The following CDCA2 variants were observed in gnomAD, a reference collection of about 807,000 sequenced individuals.
CDCA2 encodes cell division cycle associated 2, also known as cell division cycle-associated protein 2.
A neutral mutation model predicts 67.0 loss-of-function variants in CDCA2; 44 were observed. The observed-to-expected ratio is 0.66, with a 90% confidence interval of 0.52 to 0.84. CDCA2 has a LOEUF of 0.84. Among genes scored for constraint, CDCA2 ranks in the 40% least tolerant of loss-of-function variants. The probability of loss-of-function intolerance (pLI) is 0.00; values close to 1 mark genes in which losing one functional copy is unlikely to be tolerated. For synonymous variants in CDCA2, 447 were observed against 418.7 expected, an observed-to-expected ratio of 1.07 and a Z score of -0.82; for missense variants, 1,253 against 1,203.2, an observed-to-expected ratio of 1.04 and a Z score of -0.61.
chr8:25,501,602 G>A (rs951833978), intron 13 of CDCA2, among the ~76,000 whole-genome samples: 4 of 152,142 alleles, frequency 2.6e-5, no homozygotes, highest in South Asian at 2.1e-4. Flanking sequence ...TTTCTGCATC[G>A]CCCCCATAGT....
intron 1 of CDCA2, among the ~76,000 whole-genome samples, chr8:25,460,005 T>A (rs1251163934): frequency 6.6e-6 from 1 of 152,202 alleles, no homozygotes; most frequent in Non-Finnish European, 1.5e-5. Flanking sequence ...GGCTACCTCA[T>A]TTACTTTGAT....
chr8:25,505,635 G>A (rs1804646633), intron 14 of CDCA2, among the ~76,000 whole-genome samples: 1 of 152,076 alleles, frequency 6.6e-6, no homozygotes, highest in South Asian at 2.1e-4. Context: ...ATTTTTAAAT[G>A]GAAACATTGT....
Position 25,488,462 on chromosome 8 carries a change from C to A in CDCA2, c.1534-90C>A, listed in dbSNP as rs185579800. ...TAAATGGGATCTAAAGTGGTAGAAG[C>A]ATCCTGGGAAGCACAACAAGAGTGA... On this transcript the variant is annotated intron_variant, in intron 12 of 14. Transcript: ENST00000330560. The A allele has an allele frequency of 1.3e-3, 1,570 of 1,211,740 alleles. 2 individuals carry two copies. The highest frequency in any genetic ancestry group is 1.5e-3 in the Non-Finnish European group (1,370 of 894,818). The allele number at this position is 1,211,740 out of a possible 1,614,324, so 75.1% of individuals were successfully genotyped here.
chr8:25,507,413 C>T lies in CDCA2; in HGVS notation c.2747C>T (p.Ser916Phe). Residue 916 changes from serine (S) to phenylalanine (F), a missense_variant, in exon 15 of 15, where the codon TCC becomes TTC. Ser to Phe is a radical substitution (Grantham distance 155). Coordinates refer to ENST00000330560, the MANE Select transcript of CDCA2 (RefSeq NM_152562.4). ...ATTTCACTTCCACTTCCTTCCACTT[C>T]CCAAAAAGCCAAAAGAAGAACAATA... The part of the protein sequence containing the change: ...VWISLPLPST[S>F]QKAKRRTICT... The T allele has an allele frequency of 6.2e-7, 1 of 1,613,968 alleles. No individual in the cohort carries two copies. The highest frequency in any genetic ancestry group is 8.5e-7 in the Non-Finnish European group (1 of 1,179,998).
In CDCA2 at chr8:25,468,426, C is replaced by G. The variant is rs1455488604; in HGVS notation, c.735+13C>G. ...AGATCTTTCTGAGGTAATTCACTTA[C>G]TTTACGCATAGGAAAATGAAGTTGT... is the stretch of plus-strand genomic sequence containing the variant. On this transcript the variant is annotated intron_variant, in intron 6 of 14. Transcript: ENST00000330560. 2 of 1,600,706 alleles carry G rather than the reference C, an allele frequency of 1.2e-6. No individual in the cohort carries two copies. The highest frequency in any genetic ancestry group is 4.5e-5 in the East Asian group (2 of 44,706).
intron 13 of CDCA2, among the ~76,000 whole-genome samples, chr8:25,499,100 A>G (rs1383899692): frequency 1.3e-5 from 2 of 152,078 alleles, no homozygotes; most frequent in African/African-American, 4.8e-5. Flanking sequence ...GGGGTTCTGT[A>G]CTTTTTGGGT....
intron 13 of CDCA2, among the ~76,000 whole-genome samples, chr8:25,500,521 A>G (rs1214397982): frequency 6.6e-6 from 1 of 151,780 alleles, no homozygotes; most frequent in Non-Finnish European, 1.5e-5. Context: ...TTTTTTTTCT[A>G]TCTTTTAAAA....
Position 25,492,370 on chromosome 8 carries a change from G to A in CDCA2, c.1671+3681G>A, listed in dbSNP as rs118179063. ...ACAAGAGCGCAATCAAAGGGAAATC[G>A]CTGGTTGTAGCTGTTCAGCCAGCCT... On this transcript the variant is annotated intron_variant, in intron 13 of 14. Coordinates refer to ENST00000330560, the MANE Select transcript of CDCA2 (RefSeq NM_152562.4). 4.2e-3 allele frequency among the ~76,000 whole-genome samples: 634 copies of A among 152,306 alleles called. 2 individuals are homozygous for A. The highest frequency in any genetic ancestry group is 4.7e-3 in the Non-Finnish European group (318 of 68,018).
rs201987917 is a variant in CDCA2, at chr8:25,503,416, G to A, written c.1715G>A (p.Ser572Asn). 9.7e-5 allele frequency: 157 copies of A among 1,613,996 alleles called. No homozygotes were observed. Among genetic ancestry groups the A allele is most frequent in the Non-Finnish European group, 1.3e-4 (152 of 1,179,952 alleles). The change falls in exon 14 of 15, where the codon AGT (serine) becomes AAT (asparagine). Residue 572 changes from serine to asparagine, a missense_variant. By Grantham distance (46) the Ser-to-Asn change is conservative. Transcript: ENST00000330560. Reference sequence around the variant, plus strand: ...AAGAAGAAAGGAAAGGGAAAGAAAAGTGTTCAGAAATCTTTATATGGGGAA... The same window carrying A: ...AAGAAGAAAGGAAAGGGAAAGAAAAATGTTCAGAAATCTTTATATGGGGAA... ...CRKKKGKGKKSVQKSLYGERD... is the reference protein window; with the variant it reads ...CRKKKGKGKKNVQKSLYGERD...
At chr8:25,467,837 A>G (rs568661334) in intron 5 of CDCA2, among the ~76,000 whole-genome samples, 19 of 152,254 alleles carry the variant, frequency 1.2e-4, no homozygotes, top group Middle Eastern at 3.4e-3. Flanking sequence ...GATGCACAAT[A>G]GCCGGGCGTG....
chr8:25,489,415 A>G (rs996645282), intron 13 of CDCA2, among the ~76,000 whole-genome samples: 5 of 152,138 alleles, frequency 3.3e-5, no homozygotes, highest in Admixed American at 1.3e-4. Context: ...TTCATCCTGA[A>G]CTGAGTGAAC....
intron 13 of CDCA2, among the ~76,000 whole-genome samples, chr8:25,498,203 ATTTTGTTTTG>A (rs542877218): frequency 6.6e-6 from 1 of 151,888 alleles, no homozygotes; most frequent in Admixed American, 6.6e-5. Flanking sequence ...GTTGAATTAC[ATTTTGTTTTG>A]TTTTGTTTTG....
At position 25,487,324 on chromosome 8, in the gene CDCA2, A is replaced by G. The variant is rs1253865157; in HGVS notation, c.1523A>G (p.Asn508Ser). The G allele has an allele frequency of 6.3e-7, 1 of 1,593,544 alleles. No individual in the cohort carries two copies. The highest frequency in any genetic ancestry group is 1.7e-5 in the Admixed American group (1 of 59,376). Reference protein sequence around the residue: ...PKVGRITRTSNRRNQLVSVVE... With the variant: ...PKVGRITRTSSRRNQLVSVVE... ...GTTGGTAGAATAACAAGGACTTCTA[A>G]CAGAAGAAATGTAAGTGTTTGTGTT... is the stretch of plus-strand genomic sequence containing the variant. Residue 508 changes from asparagine (N) to serine (S), a missense_variant, in exon 12 of 15, where the codon AAC becomes AGC. Physicochemically the swap from Asn to Ser is conservative, Grantham distance 46 (BLOSUM62 1). Coordinates refer to ENST00000330560, the MANE Select transcript of CDCA2 (RefSeq NM_152562.4).
intron 13 of CDCA2, among the ~76,000 whole-genome samples, chr8:25,502,507 TG>T (rs1245483207): frequency 6.6e-6 from 1 of 151,916 alleles, no homozygotes; most frequent in Non-Finnish European, 1.5e-5. Context: ...CTTCTGCTTG[TG>T]CTTGTTAAAA....
intron 13 of CDCA2, among the ~76,000 whole-genome samples, chr8:25,500,444 A>G (rs1178489045): frequency 5.9e-5 from 9 of 152,158 alleles, no homozygotes; most frequent in African/African-American, 1.9e-4. Context: ...ATCATTCCAC[A>G]GTGCATACAT....
At chr8:25,482,485 G>T (rs1803609605) in intron 8 of CDCA2, among the ~76,000 whole-genome samples, 1 of 151,922 alleles carries the variant, frequency 6.6e-6, no homozygotes. Flanking sequence ...AAATTATCAG[G>T]GAAAAAAGTC....
chr8:25,502,631 G>A lies in CDCA2; in HGVS notation c.1672-742G>A, dbSNP rs116594499. On this transcript the variant is annotated intron_variant, in intron 13 of 14. Coordinates refer to ENST00000330560, the MANE Select transcript of CDCA2 (RefSeq NM_152562.4). The stretch of plus-strand genomic sequence containing the variant: ...ATACACACCTCCTGTTTCTTCATCC[G>A]GACCTGGGAGCATAAAGCAGTCTCC... 9.2e-3 allele frequency among the ~76,000 whole-genome samples: 1,399 copies of A among 151,906 alleles called. 22 individuals carry two copies. The highest frequency in any genetic ancestry group is 0.031 in the African/African-American group (1,282 of 41,408).
intron 7 of CDCA2, chr8:25,472,039 G>A (rs1464490154): frequency 6.6e-6 from 1 of 152,064 alleles, no homozygotes; most frequent in Non-Finnish European, 1.5e-5. Flanking sequence ...TTTGTTAAGG[G>A]GGAGCTTAGG....
intron 12 of CDCA2, among the ~76,000 whole-genome samples, chr8:25,487,686 GGA>G (rs1475316541): frequency 2.0e-5 from 3 of 152,142 alleles, no homozygotes; most frequent in Non-Finnish European, 4.4e-5. Context: ...GAGCTTGCCG[GGA>G]GCCGAGATGG....
Sources: gnomAD v4.1 joint callset for allele counts (sites outside exome capture counted in the v4.1 genomes callset) on GRCh38, gnomAD v4.1.1 for gene constraint, MANE v1.5 for transcripts, NCBI Gene and HGNC (gene_info 2026-07-23, HGNC 2026-07-21) for gene names.